The following ARHGAP42 variants were observed in gnomAD, a reference collection of about 807,000 sequenced individuals.
The protein encoded by ARHGAP42 is rho GTPase-activating protein 42.
In ARHGAP42, 63 loss-of-function variants were observed where a neutral mutation model predicts 125.0. The observed-to-expected ratio is 0.50, with a 90% CI of 0.41 to 0.62. The LOEUF is 0.62. Ranked by LOEUF, ARHGAP42 falls within the 20% of genes least tolerant of loss-of-function variation. The probability of loss-of-function intolerance (pLI) is 0.00; values close to 1 mark genes in which losing one functional copy is unlikely to be tolerated. For missense variants in ARHGAP42, 766 were observed against 1,024.2 expected (o/e 0.75, Z 3.44); for synonymous variants, 339 against 351.0 (o/e 0.97, Z 0.38).
intron 1 of ARHGAP42, among the ~76,000 whole-genome samples, chr11:100,764,027 T>TC (rs200888289): frequency 5.0e-5 from 7 of 140,374 alleles, no homozygotes; most frequent in East Asian, 4.5e-4. Context: ...TTCTTCTTCT[T>TC]TTTTTTTTTT....
intron 3 of ARHGAP42, among the ~76,000 whole-genome samples, chr11:100,817,676 G>A (rs1864300708): frequency 6.6e-6 from 1 of 152,122 alleles, no homozygotes; most frequent in African/African-American, 2.4e-5. Flanking sequence ...TTACATGAAT[G>A]CTCTCATTTA....
intron 17 of ARHGAP42, among the ~76,000 whole-genome samples, chr11:100,968,325 A>G (rs1158858742): frequency 6.6e-6 from 1 of 151,970 alleles, no homozygotes; most frequent in Non-Finnish European, 1.5e-5. Flanking sequence ...ACCTATATCT[A>G]CCATTTTTCT....
intron 9 of ARHGAP42, among the ~76,000 whole-genome samples, chr11:100,942,459 G>GCA (rs1867911648): frequency 6.6e-6 from 1 of 152,164 alleles, no homozygotes; most frequent in Non-Finnish European, 1.5e-5. Context: ...AGGAAATGCT[G>GCA]CAGAGAGCTT....
At chr11:100,960,403 T>C (rs974706416) in intron 13 of ARHGAP42, among the ~76,000 whole-genome samples, 2 of 152,128 alleles carry the variant, frequency 1.3e-5, no homozygotes, top group Non-Finnish European at 2.9e-5. Flanking sequence ...AACTTTAAAC[T>C]CACTTCTAGG....
intron 2 of ARHGAP42, among the ~76,000 whole-genome samples, chr11:100,786,395 A>C (rs1863435040): frequency 6.6e-6 from 1 of 152,222 alleles, no homozygotes; most frequent in Non-Finnish European, 1.5e-5. Flanking sequence ...TAGTGGGAAG[A>C]AGTCTAGGGA....
Position 100,851,048 on chromosome 11 carries a change from A to G in ARHGAP42, c.313-8506A>G, listed in dbSNP as rs567440126. Among the ~76,000 whole-genome samples the G allele has an allele frequency of 5.9e-5, 9 of 151,786 alleles. No homozygotes were observed. The East Asian group carries it at 1.7e-3, about 30-fold the overall frequency. ...AGACGTGTGCCACCATGCCTGGCTA[A>G]TTTTCATATTGTTAGTAGAGACGGG... On this transcript the variant is annotated intron_variant, in intron 3 of 23. Coordinates refer to ENST00000298815, the MANE Select transcript of ARHGAP42 (RefSeq NM_152432.4).
chr11:100,838,725 GA>G (rs71914749), intron 3 of ARHGAP42, among the ~76,000 whole-genome samples: 44,484 of 149,532 alleles, frequency 0.3, 6,842 homozygotes, highest in Non-Finnish European at 0.33. Flanking sequence ...AAAACACCAA[GA>G]AAAAAAAAAT....
intron 1 of ARHGAP42, among the ~76,000 whole-genome samples, chr11:100,769,413 T>G (rs1862916776): frequency 6.6e-6 from 1 of 152,234 alleles, no homozygotes. Context: ...ATTTACTTCT[T>G]ATTATTCTGG....
At position 100,992,870 on chromosome 11, in the gene ARHGAP42, T is replaced by TGGGTCTGC; in HGVS notation, c.*4071_*4072insGTCTGCGG. 1 of 707,328 alleles carries TGGGTCTGC rather than the reference T, an allele frequency of 1.4e-6. No homozygotes were observed. The highest frequency in any genetic ancestry group is 2.3e-6 in the Non-Finnish European group (1 of 439,624). 43.8% of individuals were successfully genotyped at this position (707,328 alleles called of 1,614,324 possible). ...TAGACCAATGATTACAAGGTGTCTGTGGTTTAGGGGGCCCAGCCCATCATT... is the reference window on the plus strand; with the variant it reads ...TAGACCAATGATTACAAGGTGTCTGTGGGTCTGCGGTTTAGGGGGCCCAGCCCATCATT... On this transcript the variant is annotated 3_prime_UTR_variant, in exon 24 of 24. Coordinates refer to ENST00000298815, the MANE Select transcript of ARHGAP42 (RefSeq NM_152432.4).
At chr11:100,837,885 G>C (rs567666380) in intron 3 of ARHGAP42, among the ~76,000 whole-genome samples, 2 of 95,056 alleles carry the variant, frequency 2.1e-5, no homozygotes, top group Non-Finnish European at 4.5e-5. Flanking sequence ...TTCACCTAGC[G>C]GGATGTCTGC....
At chr11:100,688,150 G>A (rs1467271373) in intron 1 of ARHGAP42, among the ~76,000 whole-genome samples, 3 of 150,682 alleles carry the variant, frequency 2.0e-5, no homozygotes, top group Admixed American at 2.0e-4. Context: ...TTAATTTATT[G>A]TGTCTATTAA....
chr11:100,958,589 C>T (rs1476103259), intron 12 of ARHGAP42, among the ~76,000 whole-genome samples: 1 of 151,818 alleles, frequency 6.6e-6, no homozygotes, highest in Admixed American at 6.6e-5. Context: ...CCCAAAATGC[C>T]TAGTGAATTA....
rs141470149 is a variant in ARHGAP42 at position 100,754,944 on chromosome 11, C to T, written c.155-15399C>T. Among the ~76,000 whole-genome samples, 73 of 152,288 alleles carry T rather than the reference C, an allele frequency of 4.8e-4. No homozygotes were observed. In the East Asian group the frequency reaches 0.013, roughly 28 times the overall value. On this transcript the variant is annotated intron_variant, in intron 1 of 23. Transcript: ENST00000298815. ...GGATATACATATCTTAAGAAGACCA[C>T]TATTGGAGGACTTTACTCTGGATGC...
intron 3 of ARHGAP42, among the ~76,000 whole-genome samples, chr11:100,830,758 G>A (rs2135093416): frequency 6.6e-6 from 1 of 152,226 alleles, no homozygotes; most frequent in South Asian, 2.1e-4. Context: ...ATCATAGAGT[G>A]AGCCGTCATC....
chr11:100,942,722 T>G (rs1486651770), intron 9 of ARHGAP42, among the ~76,000 whole-genome samples: 1 of 152,154 alleles, frequency 6.6e-6, no homozygotes, highest in Non-Finnish European at 1.5e-5. Context: ...ATATGTCAGT[T>G]GAAACTTATT....
At chr11:100,813,478 A>G (rs1373088544) in intron 3 of ARHGAP42, among the ~76,000 whole-genome samples, 2 of 152,240 alleles carry the variant, frequency 1.3e-5, no homozygotes, top group Non-Finnish European at 2.9e-5. Context: ...TATTAGCCAA[A>G]TGCAGTGTTG....
intron 2 of ARHGAP42, among the ~76,000 whole-genome samples, chr11:100,770,884 A>T (rs1862959568): frequency 6.6e-6 from 1 of 152,202 alleles, no homozygotes; most frequent in Non-Finnish European, 1.5e-5. Context: ...TGGCCTAAAG[A>T]AAATATTATA....
At chr11:100,894,862 A>C (rs1437163173) in intron 4 of ARHGAP42, among the ~76,000 whole-genome samples, 1 of 152,284 alleles carries the variant, frequency 6.6e-6, no homozygotes, top group Middle Eastern at 3.4e-3. Flanking sequence ...CACCTTTCTA[A>C]CTGTTGATAT....
chr11:100,787,519 A>T (rs1239435372), intron 2 of ARHGAP42, among the ~76,000 whole-genome samples: 5 of 152,218 alleles, frequency 3.3e-5, no homozygotes, highest in Non-Finnish European at 7.3e-5. Context: ...GATAAGAGAA[A>T]TGAGAGTATT....
Sources: allele counts gnomAD v4.1 joint callset (sites outside exome capture counted in the v4.1 genomes callset), GRCh38; gene constraint gnomAD v4.1.1; transcripts MANE v1.5; gene names NCBI Gene and HGNC (gene_info 2026-07-23, HGNC 2026-07-21).